STX8: variants seen among roughly 807,000 people sequenced by gnomAD.
STX8 encodes syntaxin-8.
STX8 carries 23 observed loss-of-function variants against 37.5 expected under a neutral mutation model. The observed-to-expected ratio is 0.61, with a 90% CI of 0.44 to 0.87. STX8 has a LOEUF of 0.87. STX8 is among the 40% of genes least tolerant of loss of function. STX8 has a pLI of 0.00. For synonymous variants in STX8, 115 were observed against 99.1 expected (o/e 1.16, Z -0.95); for missense variants, 313 against 284.7 (o/e 1.10, Z -0.71).
rs183827505 is a variant in STX8, at chr17:9,309,243, A to C, written c.644-58598T>G. On this transcript the variant is annotated intron_variant, in intron 7 of 7. Coordinates refer to ENST00000306357, the MANE Select transcript of STX8 (RefSeq NM_004853.3). The stretch of plus-strand genomic sequence containing the variant: ...TAACGGAAAATATCTTCCACGAAGC[A>C]AACATTTTTGAGATTTCAGCTTTCA... Among the ~76,000 whole-genome samples, 1,040 of 152,306 alleles carry C rather than the reference A, an allele frequency of 6.8e-3. 12 individuals are homozygous for C. The highest frequency in any genetic ancestry group is 0.024 in the African/African-American group (991 of 41,568).
intron 4 of STX8, among the ~76,000 whole-genome samples, chr17:9,511,748 C>A (rs1905023876): frequency 6.6e-6 from 1 of 151,716 alleles, no homozygotes; most frequent in African/African-American, 2.4e-5. Flanking sequence ...GGTAATCAGA[C>A]AAGAGAAAGT....
intron 7 of STX8, among the ~76,000 whole-genome samples, chr17:9,277,853 G>A (rs1907729678): frequency 6.6e-6 from 1 of 152,102 alleles, no homozygotes; most frequent in Admixed American, 6.5e-5. Context: ...CCAGTGAGGA[G>A]AGAAATCAAG....
intron 7 of STX8, among the ~76,000 whole-genome samples, chr17:9,273,908 C>T (rs1907561344): frequency 6.6e-6 from 1 of 152,144 alleles, no homozygotes; most frequent in South Asian, 2.1e-4. Flanking sequence ...TCTCAGTGGT[C>T]CCTTCTGACA....
intron 6 of STX8, among the ~76,000 whole-genome samples, chr17:9,488,481 TGAG>T (rs1281206852): frequency 1.3e-5 from 2 of 152,052 alleles, no homozygotes; most frequent in African/African-American, 4.8e-5. Context: ...GACCTCAACA[TGAG>T]GAGGTGATCC....
intron 4 of STX8, among the ~76,000 whole-genome samples, chr17:9,515,721 G>T (rs191139934): frequency 6.6e-6 from 1 of 152,082 alleles, no homozygotes; most frequent in Admixed American, 6.5e-5. Context: ...ATGGGGTCTC[G>T]CTATGTTGCC....
intron 6 of STX8, among the ~76,000 whole-genome samples, chr17:9,432,081 G>A (rs9905443): frequency 0.57 from 85,997 of 151,956 alleles, 26,177 homozygotes; most frequent in African/African-American, 0.79. Flanking sequence ...AATAAATTCT[G>A]ATTCTAATGC....
chr17:9,352,474 T>G (rs957206099), intron 7 of STX8, among the ~76,000 whole-genome samples: 2 of 149,168 alleles, frequency 1.3e-5, no homozygotes, highest in Non-Finnish European at 1.5e-5. Flanking sequence ...CACTTTTTTT[T>G]TTTTTTTTTT....
intron 4 of STX8, 134 bp from the exon 5 acceptor site, chr17:9,505,296 GT>G: frequency 1.0e-6 from 1 of 956,514 alleles, no homozygotes; most frequent in Non-Finnish European, 1.5e-6. Context: ...TGCATCATTA[GT>G]TTATGCCAGG....
chr17:9,515,669 C>T (rs1250193240), intron 4 of STX8, among the ~76,000 whole-genome samples: 2 of 152,108 alleles, frequency 1.3e-5, no homozygotes, highest in South Asian at 2.1e-4. Context: ...ACTACAGGTG[C>T]GTGCCTCTGC....
chr17:9,411,316 G>A (rs1912970463), intron 6 of STX8, among the ~76,000 whole-genome samples: 1 of 152,154 alleles, frequency 6.6e-6, no homozygotes. Flanking sequence ...CAGAACAAAG[G>A]CTTCCCCACT....
At chr17:9,519,173 CATA>C (rs1905249268) in intron 4 of STX8, among the ~76,000 whole-genome samples, 1 of 152,172 alleles carries the variant, frequency 6.6e-6, no homozygotes, top group South Asian at 2.1e-4. Flanking sequence ...TGTCTCTACC[CATA>C]ATATCTCCCT....
chr17:9,468,929 C>T (rs369408443), intron 6 of STX8, among the ~76,000 whole-genome samples: 3 of 152,322 alleles, frequency 2.0e-5, no homozygotes, highest in East Asian at 1.9e-4. Context: ...GCTCCTCATA[C>T]GCATCCCGCA....
chr17:9,284,861 G>C (rs149369109), intron 7 of STX8, among the ~76,000 whole-genome samples: 4 of 152,082 alleles, frequency 2.6e-5, no homozygotes, highest in African/African-American at 9.7e-5. Flanking sequence ...GCCGAAACAC[G>C]CAAGATCCTT....
At chr17:9,260,618 C>T (rs991395345) in intron 7 of STX8, among the ~76,000 whole-genome samples, 3 of 150,678 alleles carry the variant, frequency 2.0e-5, no homozygotes, top group South Asian at 2.1e-4. Flanking sequence ...AGTGAGACTC[C>T]GTCTCAGAAA....
At chr17:9,470,293 A>G (rs1053018240) in intron 6 of STX8, among the ~76,000 whole-genome samples, 8 of 152,300 alleles carry the variant, frequency 5.3e-5, no homozygotes, top group African/African-American at 1.9e-4. Context: ...ATTACTTGAA[A>G]CAACTACTCA....
At chr17:9,359,068 G>T (rs540819146) in intron 7 of STX8, among the ~76,000 whole-genome samples, 3 of 150,850 alleles carry the variant, frequency 2.0e-5, no homozygotes, top group South Asian at 2.1e-4. Flanking sequence ...TTGAGATGGA[G>T]TTTTGCTCTT....
chr17:9,353,119 A>C (rs1311718137), intron 7 of STX8, among the ~76,000 whole-genome samples: 4 of 151,992 alleles, frequency 2.6e-5, no homozygotes, highest in African/African-American at 9.7e-5. Flanking sequence ...GACTGGCCTT[A>C]AACTCCTGGC....
intron 7 of STX8, 72 bp downstream of exon 7, chr17:9,378,480 A>C: frequency 3.6e-6 from 5 of 1,370,502 alleles, no homozygotes; most frequent in Non-Finnish European, 5.2e-6. Context: ...TAATTAGACA[A>C]ACAGGAAACT....
At chr17:9,377,947 A>G (rs1469986393) in intron 7 of STX8, 1 of 152,568 alleles carries the variant, frequency 6.6e-6, no homozygotes, top group Non-Finnish European at 1.5e-5. Flanking sequence ...CTGCATCAGA[A>G]TTTCTGCAGA....
Sources: gnomAD v4.1 joint callset for allele counts (sites outside exome capture counted in the v4.1 genomes callset) on GRCh38, gnomAD v4.1.1 for gene constraint, MANE v1.5 for transcripts, NCBI Gene and HGNC (gene_info 2026-07-23, HGNC 2026-07-21) for gene names.